Variants in HERC3 observed in about 807,000 individuals in gnomAD.
HERC3 encodes the protein probable E3 ubiquitin-protein ligase HERC3.
HERC3 carries 58 observed loss-of-function variants against 129.9 expected under a neutral mutation model. The observed-to-expected ratio is 0.45, with a 90% CI of 0.36 to 0.56. The LOEUF is 0.56. HERC3 is among the 20% of genes least tolerant of loss of function. The pLI is 0.00. For missense variants in HERC3, 835 were observed against 1,244.2 expected (o/e 0.67, Z 4.95); for synonymous variants, 430 against 451.0 (o/e 0.95, Z 0.59).
intron 2 of HERC3, among the ~76,000 whole-genome samples, chr4:88,601,276 C>T (rs937203780): frequency 6.6e-6 from 1 of 152,112 alleles, no homozygotes; most frequent in Admixed American, 6.5e-5. Flanking sequence ...CTCAGGATTA[C>T]AATAAGGCAG....
intron 3 of HERC3, among the ~76,000 whole-genome samples, chr4:88,612,606 CT>C (rs989046018): frequency 6.6e-6 from 1 of 152,016 alleles, no homozygotes; most frequent in Non-Finnish European, 1.5e-5. Context: ...CTTTTCTCTC[CT>C]TCATTCTCAC....
chr4:88,668,695 T>C (rs1731296082), intron 14 of HERC3: 2 of 153,610 alleles, frequency 1.3e-5, no homozygotes, highest in African/African-American at 2.4e-5. Context: ...TTTTTACTTT[T>C]TTCCCCCCTG....
upstream of HERC3, among the ~76,000 whole-genome samples, chr4:88,591,288 G>T (rs1198063937): frequency 6.6e-6 from 1 of 152,142 alleles, no homozygotes; most frequent in Non-Finnish European, 1.5e-5. Flanking sequence ...TGCTTTTTTA[G>T]CTTTCTTGTC....
At chr4:88,549,681 A>G in the HERC3 span, among the ~76,000 whole-genome samples, 2 of 151,576 alleles carry the variant, frequency 1.3e-5, no homozygotes, top group Non-Finnish European at 2.9e-5. Context: ...TCCATGGTGT[A>G]TATGTACCAC....
rs139014587 is a variant in HERC3, at chr4:88,697,562, G to A, written c.2658-6536G>A. 8.9e-5 allele frequency: 143 copies of A among 1,614,068 alleles called. No individual in the cohort carries two copies. Among genetic ancestry groups the A allele is most frequent in the Middle Eastern group, 1.6e-4 (1 of 6,062 alleles). On this transcript the variant is annotated intron_variant, in intron 23 of 25. Coordinates refer to ENST00000402738, the MANE Select transcript of HERC3 (RefSeq NM_014606.3). ...AGGCTCTCGATAAAGTCATTTTTCG[G>A]CTTTGGGGCATTCTCTGCAGGGGTC...
chr4:88,670,880 C>T (rs1277849427), intron 16 of HERC3, among the ~76,000 whole-genome samples: 2 of 152,050 alleles, frequency 1.3e-5, no homozygotes, highest in African/African-American at 4.8e-5. Flanking sequence ...CCACAATTCC[C>T]ACTGCAGCGT....
At chr4:88,690,263 T>G (rs1016295022) in intron 23 of HERC3, 2 of 978,820 alleles carry the variant, frequency 2.0e-6, no homozygotes, top group African/African-American at 3.5e-5. Flanking sequence ...ACCAGGCTTT[T>G]TATTCCATAT....
chr4:88,623,500 A>G (rs555368161), intron 3 of HERC3, among the ~76,000 whole-genome samples: 15 of 152,340 alleles, frequency 9.8e-5, no homozygotes, highest in African/African-American at 3.6e-4. Context: ...CTCAAGGCAC[A>G]TCTTGGATAT....
the HERC3 span, among the ~76,000 whole-genome samples, chr4:88,544,128 C>T: frequency 6.6e-6 from 1 of 152,154 alleles, no homozygotes. Context: ...TCAGAGTGAA[C>T]AGGCAACCTA....
rs146804763 is a variant in HERC3 at position 88,652,885 on chromosome 4, C to T, written c.480C>T (p.Thr160=). ...LALAADGQFF[T]WGKNSHGQLG... ...TTATTTCAGATGGCCAGTTCTTCAC[C>T]TGGGGAAAGAACAGCCATGGGCAGC... Residue 160 remains threonine (T), a synonymous_variant, in exon 6 of 26, where the codon ACC becomes ACT. Transcript: ENST00000402738. The T allele has an allele frequency of 1.7e-4, 268 of 1,610,080 alleles. 1 individual carries two copies. The African/African-American group carries it at 3.2e-3, about 19-fold the overall frequency.
chr4:88,569,700 C>T, the HERC3 span, among the ~76,000 whole-genome samples: 1 of 152,200 alleles, frequency 6.6e-6, no homozygotes, highest in Non-Finnish European at 1.5e-5. Flanking sequence ...GTGCCCTGAA[C>T]CTTGATCCTC....
intron 23 of HERC3, among the ~76,000 whole-genome samples, chr4:88,688,395 G>A (rs1357137174): frequency 1.3e-5 from 2 of 152,242 alleles, no homozygotes; most frequent in South Asian, 2.1e-4. Flanking sequence ...GAAATAGACC[G>A]TGTGCAGGGA....
At chr4:88,644,014 T>C (rs1728426523) in intron 3 of HERC3, among the ~76,000 whole-genome samples, 1 of 152,118 alleles carries the variant, frequency 6.6e-6, no homozygotes, top group African/African-American at 2.4e-5. Flanking sequence ...GGATGGCAAA[T>C]AAGCACATGA....
chr4:88,548,912 C>T, the HERC3 span, among the ~76,000 whole-genome samples: 1 of 152,288 alleles, frequency 6.6e-6, no homozygotes, highest in Middle Eastern at 3.4e-3. Flanking sequence ...CCGCCCTCAT[C>T]AGCCTCCCAA....
chr4:88,587,172 G>A, the HERC3 span, among the ~76,000 whole-genome samples: 14 of 152,310 alleles, frequency 9.2e-5, no homozygotes, highest in African/African-American at 2.9e-4. Context: ...AAAGGTGGCC[G>A]TAAAGTCTGG....
chr4:88,577,588 T>C, the HERC3 span, among the ~76,000 whole-genome samples: 4 of 149,928 alleles, frequency 2.7e-5, no homozygotes, highest in Non-Finnish European at 5.9e-5. Context: ...ACTATGTATA[T>C]ATGTGTGTAT....
chr4:88,669,575 A>G (rs928994741), intron 14 of HERC3, among the ~76,000 whole-genome samples: 3 of 152,200 alleles, frequency 2.0e-5, no homozygotes, highest in African/African-American at 4.8e-5. Context: ...AAATATGTGT[A>G]TCTTGTCCAC....
intron 9 of HERC3, chr4:88,656,448 G>A (rs1029754631): frequency 1.8e-5 from 3 of 171,344 alleles, no homozygotes; most frequent in African/African-American, 4.8e-5. Context: ...AGAAGCAGGA[G>A]CAAGAGGAAG....
chr4:88,545,430 C>CTTTTTTTTTTTTTTTT, the HERC3 span, among the ~76,000 whole-genome samples: 1 of 110,434 alleles, frequency 9.1e-6, no homozygotes, highest in African/African-American at 3.7e-5. Context: ...TTTGAGAATT[C>CTTTTTTTTTTTTTTTT]TTTTTTTTTT....
Sources: gnomAD v4.1 joint callset for allele counts (sites outside exome capture counted in the v4.1 genomes callset) on GRCh38, gnomAD v4.1.1 for gene constraint, MANE v1.5 for transcripts, NCBI Gene and HGNC (gene_info 2026-07-23, HGNC 2026-07-21) for gene names.